Variants in ZNF23 observed in about 807,000 individuals in gnomAD.
ZNF23 encodes the protein zinc finger protein 23, also known as kruppel-like zinc finger factor X31.
Under a neutral mutation model 56.2 loss-of-function variants are expected in ZNF23, and 48 were observed. The ratio of observed to expected loss-of-function variants is 0.85; its 90% confidence interval spans 0.68 to 1.09. The LOEUF is 1.09. Among genes scored for constraint, ZNF23 ranks in the 50% least tolerant of loss-of-function variants. The pLI, the probability that ZNF23 is intolerant of heterozygous loss-of-function variation, is 0.00. For synonymous variants in ZNF23, 266 were observed against 283.3 expected (o/e 0.94, Z 0.61); for missense variants, 805 against 811.4 (o/e 0.99, Z 0.10).
rs931645072 is a variant in ZNF23, at chr16:71,449,103, A to T, written c.1051T>A (p.Tyr351Asn). The T allele has an allele frequency of 1.9e-6, 3 of 1,614,214 alleles. No homozygotes were observed. The highest frequency in any genetic ancestry group is 3.3e-4 in the Middle Eastern group (2 of 6,062). The change falls in exon 5 of 5, where the codon TAC (tyrosine) becomes AAC (asparagine). Residue 351 changes from tyrosine (Y) to asparagine (N), a missense_variant. Tyr to Asn is a moderately radical substitution (Grantham distance 143). Coordinates refer to ENST00000647773, the MANE Select transcript of ZNF23 (RefSeq NM_001381984.1). ...GCTTTCCCACAGTCATTACACTCGT[A>T]AGGTTTCTCTCCAGTGTGGACTCTC... ...HQRVHTGEKP[Y>N]ECNDCGKAFN...
In ZNF23 at chr16:71,448,930, C is replaced by T. The variant is rs755407122; in HGVS notation, c.1224G>A (p.Gln408=). ...TGAAGCCTTTTCCACACTCTTTACA[C>T]TGATAGGGCTTTTCTCCTGTGTGGA... is the stretch of plus-strand genomic sequence containing the variant. ...QSIHTGEKPY[Q]CKECGKGFNN... The change falls in exon 5 of 5, where the codon CAG becomes CAA. Residue 408 remains glutamine, a synonymous_variant. Transcript: ENST00000647773. 1.2e-6 allele frequency: 2 copies of T among 1,614,114 alleles called. No homozygotes were observed. Among genetic ancestry groups the T allele is most frequent in the Middle Eastern group, 1.6e-4 (1 of 6,062 alleles).
At chr16:71,456,092 T>C in intron 2 of ZNF23, 1 of 454,692 alleles carries the variant, frequency 2.2e-6, no homozygotes, top group Admixed American at 2.4e-5. Context: ...TGGAAGTCCA[T>C]GGATGAGCTT....
Position 71,447,976 on chromosome 16 carries a change from T to G in ZNF23, c.*117A>C, listed in dbSNP as rs2042905579. 2 of 727,782 alleles carry G rather than the reference T, an allele frequency of 2.7e-6. No homozygotes were observed. The highest frequency in any genetic ancestry group is 4.2e-6 in the Non-Finnish European group (2 of 472,812). The allele number at this position is 727,782 out of a possible 1,614,324, so 45.1% of individuals were successfully genotyped here. ...TAAACTGAATAGAATAAAAACTGTTTCCATATGAAGACTCTGCCATATTCA... is the reference window on the plus strand; with the variant it reads ...TAAACTGAATAGAATAAAAACTGTTGCCATATGAAGACTCTGCCATATTCA... On this transcript the variant is annotated 3_prime_UTR_variant, in exon 5 of 5. Coordinates refer to ENST00000647773, the MANE Select transcript of ZNF23 (RefSeq NM_001381984.1).
chr16:71,453,933 T>G (rs906137578), intron 3 of ZNF23, 109 bp downstream of exon 3: 5 of 1,317,876 alleles, frequency 3.8e-6, no homozygotes, highest in Non-Finnish European at 5.5e-6. Context: ...GCTCTGGGGT[T>G]CTCACTCAGT....
rs1482913750 is a variant in ZNF23 at position 71,449,539 on chromosome 16, A to G, written c.615T>C (p.Asn205=). The G allele has an allele frequency of 1.2e-6, 2 of 1,613,978 alleles. No homozygotes were observed. The highest frequency in any genetic ancestry group is 2.7e-5 in the African/African-American group (2 of 74,928). Residue 205 remains asparagine, a synonymous_variant, in exon 5 of 5, where the codon AAT becomes AAC. Coordinates refer to ENST00000647773, the MANE Select transcript of ZNF23 (RefSeq NM_001381984.1). The part of the protein sequence containing the change: ...DTKLVKHEII[N]SEERPFKCEE... ...CACATTTGAAAGGTCTTTCCTCAGA[A>G]TTAATTATTTCATGCTTCACGAGTT... is the stretch of plus-strand genomic sequence containing the variant.
chr16:71,457,187 TG>T (rs2047510656), intron 1 of ZNF23, among the ~76,000 whole-genome samples: 3 of 152,140 alleles, frequency 2.0e-5, no homozygotes, highest in Admixed American at 1.3e-4. Context: ...CCCAACAGTT[TG>T]AGAGGCCAAG....
intron 2 of ZNF23, 154 bp downstream of exon 2, chr16:71,456,610 G>A (rs2043242258): frequency 1.3e-6 from 1 of 787,246 alleles, no homozygotes; most frequent in Non-Finnish European, 1.5e-6. Context: ...TACTGTCCTG[G>A]TCTCTGCCGC....
intron 2 of ZNF23, among the ~76,000 whole-genome samples, chr16:71,455,652 C>T (rs374192001): frequency 1.2e-4 from 18 of 152,158 alleles, no homozygotes; most frequent in African/African-American, 2.2e-4. Flanking sequence ...CCACCACACC[C>T]GGCCATGATT....
rs755967824 is a variant in ZNF23, at chr16:71,448,649, A to G, written c.1505T>C (p.Val502Ala). The G allele has an allele frequency of 4.3e-6, 7 of 1,614,062 alleles. No individual in the cohort carries two copies. In the Admixed American group the frequency reaches 1.0e-4, roughly 23 times the overall value. ...ECNECGKAFS[V>A]NGKLMRHQRI... Reference sequence around the variant, plus strand: ...CTGATGCCGCATTAGTTTCCCATTAACGCTGAAGGCCTTTCCACACTCATT... The same window carrying G: ...CTGATGCCGCATTAGTTTCCCATTAGCGCTGAAGGCCTTTCCACACTCATT... The change falls in exon 5 of 5, where the codon GTT (valine) becomes GCT (alanine). Residue 502 changes from valine to alanine, a missense_variant. Physicochemically the swap from Val to Ala is moderately conservative, Grantham distance 64. Coordinates refer to ENST00000647773, the MANE Select transcript of ZNF23 (RefSeq NM_001381984.1).
chr16:71,456,610 G>T, intron 2 of ZNF23, 154 bp downstream of exon 2: 1 of 787,370 alleles, frequency 1.3e-6, no homozygotes, highest in Non-Finnish European at 1.5e-6. Flanking sequence ...TACTGTCCTG[G>T]TCTCTGCCGC....
rs774467006 is a variant in ZNF23, at chr16:71,449,119, G to A, written c.1035C>T (p.His345=). Reference sequence around the variant, plus strand: ...TACACTCGTAAGGTTTCTCTCCAGTGTGGACTCTCTGATGTGTAATATATG... The same window carrying A: ...TACACTCGTAAGGTTTCTCTCCAGTATGGACTCTCTGATGTGTAATATATG... ...SSAYITHQRV[H]TGEKPYECND... The change falls in exon 5 of 5, where the codon CAC becomes CAT. Residue 345 remains histidine, a synonymous_variant. Coordinates refer to ENST00000647773, the MANE Select transcript of ZNF23 (RefSeq NM_001381984.1). 32 of 1,614,194 alleles carry A rather than the reference G, an allele frequency of 2.0e-5. No individual in the cohort carries two copies. The highest frequency in any genetic ancestry group is 2.5e-5 in the Non-Finnish European group (30 of 1,180,034).
chr16:71,455,461 A>G (rs941954071), intron 2 of ZNF23, among the ~76,000 whole-genome samples: 1 of 152,090 alleles, frequency 6.6e-6, no homozygotes, highest in Admixed American at 6.6e-5. Flanking sequence ...GGCTCAAGCA[A>G]TTCTCCTGCC....
rs1468379488 is a variant in ZNF23, at chr16:71,457,592, A to G, written c.-32-764T>C. Among the ~76,000 whole-genome samples the G allele has an allele frequency of 5.9e-5, 9 of 151,522 alleles. No homozygotes were observed. The East Asian group carries it at 1.6e-3, about 26-fold the overall frequency. On this transcript the variant is annotated intron_variant, in intron 1 of 4. Transcript: ENST00000647773. ...AAAAAAAAATTAGCCAGAGGTGGTG[A>G]CACATGCCTGTGGTCCCAGCTATTC...
At chr16:71,457,061 C>A (rs974288551) in intron 1 of ZNF23, among the ~76,000 whole-genome samples, 1 of 152,080 alleles carries the variant, frequency 6.6e-6, no homozygotes, top group South Asian at 2.1e-4. Flanking sequence ...ATACATATCA[C>A]ACACACTGAA....
rs1223766620 is a variant in ZNF23 at position 71,462,200 on chromosome 16, C to G, written c.-33+10G>C. On this transcript the variant is annotated intron_variant, in intron 1 of 4. Transcript: ENST00000647773. ...GGCACGGCACACAGCGCCCGGAGCC[C>G]TGCACTCACCTCCGTAGCGGACTGC... 1 of 152,344 alleles carries G rather than the reference C, an allele frequency of 6.6e-6. No homozygotes were observed. The highest frequency in any genetic ancestry group is 1.9e-4 in the East Asian group (1 of 5,188). The allele number at this position is 152,344 out of a possible 1,614,324, so 9.4% of individuals were successfully genotyped here.
chr16:71,448,976 T>G lies in ZNF23; in HGVS notation c.1178A>C (p.Gln393Pro). ...ECGKGFRCSS[Q>P]LRQHQSIHTG... Reference sequence around the variant, plus strand: ...GTGGATGCTCTGATGCTGCCTAAGCTGGGAGCTGCACCTGAAGCCTTTTCC... The same window carrying G: ...GTGGATGCTCTGATGCTGCCTAAGCGGGGAGCTGCACCTGAAGCCTTTTCC... The change falls in exon 5 of 5, where the codon CAG becomes CCG. Residue 393 changes from glutamine (Q) to proline (P), a missense_variant. Transcript: ENST00000647773. 1 of 1,614,244 alleles carries G rather than the reference T, an allele frequency of 6.2e-7. No homozygotes were observed. Among genetic ancestry groups the G allele is most frequent in the African/African-American group, 1.3e-5 (1 of 75,066 alleles).
rs1387164482 is a variant in ZNF23 at position 71,453,289 on chromosome 16, G to GC, written c.221dup (p.Ser75LeufsTer21). ...CTGTTCCTGCAGCCAGTGGAGATGA[G>GC]CCCCCCAGCTCACTTCCTCCCTCCA... On this transcript the variant is annotated frameshift_variant, in exon 4 of 5. Coordinates refer to ENST00000647773, the MANE Select transcript of ZNF23 (RefSeq NM_001381984.1). LOFTEE classifies it high-confidence loss of function. The GC allele has an allele frequency of 6.2e-7, 1 of 1,609,104 alleles. No individual in the cohort carries two copies. Among genetic ancestry groups the GC allele is most frequent in the Non-Finnish European group, 8.5e-7 (1 of 1,177,532 alleles).
intron 1 of ZNF23, among the ~76,000 whole-genome samples, chr16:71,460,842 G>A (rs923354885): frequency 6.6e-6 from 1 of 151,962 alleles, no homozygotes; most frequent in African/African-American, 2.4e-5. Context: ...TATGTAGGAA[G>A]TACGTACAAA....
chr16:71,459,928 AGAT>A, intron 1 of ZNF23, among the ~76,000 whole-genome samples: 1 of 152,312 alleles, frequency 6.6e-6, no homozygotes, highest in African/African-American at 2.4e-5. Context: ...CTCCATTTTT[AGAT>A]AATAAACCAA....
Sources: gnomAD v4.1 joint callset for allele counts (sites outside exome capture counted in the v4.1 genomes callset) on GRCh38, gnomAD v4.1.1 for gene constraint, MANE v1.5 for transcripts, NCBI Gene and HGNC (gene_info 2026-07-23, HGNC 2026-07-21) for gene names.